Variants in CHL1 observed in about 807,000 individuals in gnomAD.
CHL1 encodes the protein neural cell adhesion molecule L1-like protein.
Under a neutral mutation model 141.9 loss-of-function variants are expected in CHL1, and 96 were observed. The ratio of observed to expected loss-of-function variants is 0.68; its 90% confidence interval spans 0.57 to 0.80. The LOEUF is 0.80. CHL1 is among the 30% of genes least tolerant of loss of function. CHL1 has a pLI of 0.00. For synonymous variants in CHL1, 613 were observed against 502.2 expected, an observed-to-expected ratio of 1.22 and a Z score of -2.95; for missense variants, 1,820 against 1,457.2, an observed-to-expected ratio of 1.25 and a Z score of -4.05.
intron 1 of CHL1, among the ~76,000 whole-genome samples, chr3:212,049 A>C (rs1328610461): frequency 3.9e-5 from 6 of 152,152 alleles, no homozygotes; most frequent in Non-Finnish European, 8.8e-5. Flanking sequence ...CTTCTGGACA[A>C]GTTTTATTTT....
intron 20 of CHL1, 47 bp from the exon 21 acceptor site, chr3:390,654 C>A: frequency 2.7e-6 from 3 of 1,108,174 alleles, no homozygotes; most frequent in South Asian, 2.6e-5. Flanking sequence ...TCCTAACAAT[C>A]ACATTTGCAG....
chr3:275,761 G>A (rs1481872448), intron 2 of CHL1, among the ~76,000 whole-genome samples: 1 of 152,054 alleles, frequency 6.6e-6, no homozygotes, highest in Non-Finnish European at 1.5e-5. Flanking sequence ...TGAAAACAAA[G>A]CCTATTACTG....
At chr3:374,365 T>G (rs1706031742) in intron 15 of CHL1, among the ~76,000 whole-genome samples, 1 of 152,192 alleles carries the variant, frequency 6.6e-6, no homozygotes, top group South Asian at 2.1e-4. Flanking sequence ...ATCTGCCAAC[T>G]GCTCAGATAT....
At chr3:336,171 CT>C (rs1249512170) in intron 5 of CHL1, among the ~76,000 whole-genome samples, 6 of 152,110 alleles carry the variant, frequency 3.9e-5, no homozygotes, top group African/African-American at 1.4e-4. Context: ...GTTGTCTGTA[CT>C]TTGAGACTCA....
intron 14 of CHL1, 167 bp downstream of exon 14, chr3:363,550 C>G (rs1704502112): frequency 4.9e-6 from 3 of 615,164 alleles, no homozygotes; most frequent in Non-Finnish European, 8.4e-6. Flanking sequence ...ATTGCAAGAA[C>G]TACAGGGTAT....
At chr3:345,587 G>A (rs1303990316) in intron 9 of CHL1, among the ~76,000 whole-genome samples, 4 of 151,940 alleles carry the variant, frequency 2.6e-5, no homozygotes, top group African/African-American at 9.7e-5. Flanking sequence ...GGGTTCAAGC[G>A]ATTCTCCTGC....
chr3:274,809 A>C (rs1172889338), intron 2 of CHL1, among the ~76,000 whole-genome samples: 1 of 152,170 alleles, frequency 6.6e-6, no homozygotes, highest in Non-Finnish European at 1.5e-5. Context: ...TTATCTGTAT[A>C]ATGACTTACC....
At chr3:400,294 GT>G (rs1306997352) in intron 26 of CHL1, among the ~76,000 whole-genome samples, 1 of 152,082 alleles carries the variant, frequency 6.6e-6, no homozygotes, top group Non-Finnish European at 1.5e-5. Context: ...GGAGTTATGC[GT>G]TTCACTTTTT....
At chr3:380,926 C>A (rs953847275) in intron 16 of CHL1, among the ~76,000 whole-genome samples, 1 of 152,044 alleles carries the variant, frequency 6.6e-6, no homozygotes, top group Non-Finnish European at 1.5e-5. Context: ...AAATATGACC[C>A]CTATTCTTGG....
Position 354,648 on chromosome 3 carries a change from C to T in CHL1, c.1042C>T (p.Arg348Cys), listed in dbSNP as rs748268415. The T allele has an allele frequency of 1.4e-5, 23 of 1,611,960 alleles. No homozygotes were observed. Among genetic ancestry groups the T allele is most frequent in the Middle Eastern group, 1.6e-4 (1 of 6,072 alleles). ...DFHVIVEEPP[R>C]WTKKPQSAVY... ...CTTCACTTTACATCCAGAGCCTCCT[C>T]GCTGGACAAAGAAGCCTCAGAGTGC... The change falls in exon 11 of 28, where the codon CGC becomes TGC. Residue 348 changes from arginine (R) to cysteine (C), a missense_variant. By Grantham distance (180) the Arg-to-Cys change is radical. Transcript: ENST00000256509.
At chr3:389,552 T>C (rs1010560872) in intron 20 of CHL1, 78 bp downstream of exon 20, 3 of 1,124,990 alleles carry the variant, frequency 2.7e-6, no homozygotes, top group Non-Finnish European at 3.9e-6. Flanking sequence ...TCAACAAATA[T>C]TTGTGAACAA....
intron 24 of CHL1, among the ~76,000 whole-genome samples, chr3:396,833 T>G (rs1032893251): frequency 7.9e-5 from 12 of 152,160 alleles, no homozygotes; most frequent in African/African-American, 2.2e-4. Context: ...CTTTTTCTAC[T>G]AGAGTTCAAC....
chr3:380,551 G>A (rs1706905735), intron 16 of CHL1, among the ~76,000 whole-genome samples: 1 of 152,026 alleles, frequency 6.6e-6, no homozygotes. Flanking sequence ...ATTTTCTTTA[G>A]TACTCAAAAA....
At chr3:232,110 G>T (rs115602149) in intron 1 of CHL1, among the ~76,000 whole-genome samples, 319 of 151,742 alleles carry the variant, frequency 2.1e-3, no homozygotes, top group African/African-American at 7.4e-3. Context: ...CTTGGAATTC[G>T]TATATTCATC....
intron 15 of CHL1, among the ~76,000 whole-genome samples, chr3:374,314 T>A (rs1439757967): frequency 6.6e-6 from 1 of 152,134 alleles, no homozygotes; most frequent in Non-Finnish European, 1.5e-5. Context: ...AAGGCTACGC[T>A]TTGCAATACA....
intron 3 of CHL1, among the ~76,000 whole-genome samples, chr3:320,885 T>C (rs947342159): frequency 1.3e-5 from 2 of 152,052 alleles, no homozygotes; most frequent in Non-Finnish European, 2.9e-5. Flanking sequence ...ATCTTCTGTA[T>C]ATAATTTGGA....
At chr3:274,498 G>A (rs1695913248) in intron 2 of CHL1, among the ~76,000 whole-genome samples, 1 of 152,176 alleles carries the variant, frequency 6.6e-6, no homozygotes, top group African/African-American at 2.4e-5. Context: ...GCTAAATGGG[G>A]AAATAACTGC....
At chr3:226,426 A>T (rs1701358365) in intron 1 of CHL1, among the ~76,000 whole-genome samples, 2 of 147,280 alleles carry the variant, frequency 1.4e-5, no homozygotes, top group South Asian at 2.1e-4. Context: ...ACACATATAT[A>T]TTTTTTAATT....
chr3:281,277 C>G (rs1696627327), intron 2 of CHL1, among the ~76,000 whole-genome samples: 1 of 152,150 alleles, frequency 6.6e-6, no homozygotes, highest in Non-Finnish European at 1.5e-5. Flanking sequence ...TCCACTACTA[C>G]TCCCCACAAA....
Sources: allele counts gnomAD v4.1 joint callset (sites outside exome capture counted in the v4.1 genomes callset), GRCh38; gene constraint gnomAD v4.1.1; transcripts MANE v1.5; gene names NCBI Gene and HGNC (gene_info 2026-07-23, HGNC 2026-07-21).